C14orf39: variants seen among roughly 807,000 people sequenced by gnomAD.
C14orf39 encodes the protein chromosome 14 open reading frame 39.
A neutral mutation model predicts 85.6 loss-of-function variants in C14orf39; 66 were observed. The observed-to-expected ratio is 0.77, with a 90% CI of 0.63 to 0.95. C14orf39 has a LOEUF of 0.95. Among genes scored for constraint, C14orf39 ranks in the 40% least tolerant of loss-of-function variants. The probability of loss-of-function intolerance (pLI) is 0.00; values close to 1 mark genes in which losing one functional copy is unlikely to be tolerated. For synonymous variants in C14orf39, 242 were observed against 214.0 expected (o/e 1.13, Z -1.14); for missense variants, 735 against 663.9 (o/e 1.11, Z -1.18).
chr14:60,443,517 AG>A (rs1294033383), intron 16 of C14orf39, among the ~76,000 whole-genome samples: 1 of 152,210 alleles, frequency 6.6e-6, no homozygotes, highest in African/African-American at 2.4e-5. Context: ...CAAAGCAGCC[AG>A]GAAGCTTGAA....
At chr14:60,479,581 T>C (rs780952462) in intron 4 of C14orf39, among the ~76,000 whole-genome samples, 7 of 152,180 alleles carry the variant, frequency 4.6e-5, no homozygotes, top group Non-Finnish European at 8.8e-5. Flanking sequence ...AACATACATG[T>C]TCATTGAGAA....
In C14orf39 at chr14:60,511,221, T is replaced by C. The variant is rs1381798176; in HGVS notation, c.-144+4174A>G. On this transcript the variant is annotated intron_variant, in intron 1 of 5. Coordinates refer to the C14orf39 transcript ENST00000556799. ...AAGGCGGCCACTTCAGCCATCTCCA[T>C]CACGTCCAGCGACAGCGAGTGCGAC... 3 of 1,613,312 alleles carry C rather than the reference T, an allele frequency of 1.9e-6. No homozygotes were observed. The highest frequency in any genetic ancestry group is 2.5e-6 in the Non-Finnish European group (3 of 1,179,936).
intron 16 of C14orf39, among the ~76,000 whole-genome samples, chr14:60,445,147 G>A (rs2140031456): frequency 6.6e-6 from 1 of 152,306 alleles, no homozygotes; most frequent in East Asian, 1.9e-4. Context: ...ATGCTATGAA[G>A]AAACTACATC....
At chr14:60,511,548 C>A (rs1893294917) in intron 1 of C14orf39, 2 of 546,530 alleles carry the variant, frequency 3.7e-6, no homozygotes, top group Non-Finnish European at 6.6e-6. Context: ...ACCCGAACTG[C>A]AAGCTGAGCG....
intron 4 of C14orf39, among the ~76,000 whole-genome samples, chr14:60,483,004 A>G (rs1892713619): frequency 6.6e-6 from 1 of 151,990 alleles, no homozygotes. Flanking sequence ...GGGAACTGCA[A>G]GCAGGGAAAA....
chr14:60,445,528 A>G (rs746886607), intron 16 of C14orf39, among the ~76,000 whole-genome samples: 6 of 152,226 alleles, frequency 3.9e-5, no homozygotes, highest in Non-Finnish European at 7.3e-5. Flanking sequence ...TCCTAAATAT[A>G]TATGAACCCA....
chr14:60,471,770 T>A (rs1566673325), intron 5 of C14orf39, 31 bp from the exon 6 acceptor site: 1 of 1,309,080 alleles, frequency 7.6e-7, no homozygotes, highest in East Asian at 2.4e-5. Context: ...GATGTTTATA[T>A]AACAACAACA....
At chr14:60,449,078 C>T (rs1890917539) in intron 16 of C14orf39, among the ~76,000 whole-genome samples, 1 of 152,022 alleles carries the variant, frequency 6.6e-6, no homozygotes, top group Non-Finnish European at 1.5e-5. Context: ...GGAGAAATAC[C>T]CAATGTAGAT....
At chr14:60,504,669 T>C (rs1297546149) in intron 1 of C14orf39, among the ~76,000 whole-genome samples, 1 of 152,226 alleles carries the variant, frequency 6.6e-6, no homozygotes, top group Non-Finnish European at 1.5e-5. Context: ...CACTGATATG[T>C]AGCTCTAAGC....
intron 16 of C14orf39, among the ~76,000 whole-genome samples, chr14:60,446,912 C>T (rs1205407385): frequency 6.6e-6 from 1 of 152,172 alleles, no homozygotes; most frequent in Admixed American, 6.5e-5. Flanking sequence ...AATCAATACA[C>T]GTGATCCATC....
chr14:60,445,471 C>T (rs1223903489), intron 16 of C14orf39, among the ~76,000 whole-genome samples: 3 of 152,110 alleles, frequency 2.0e-5, no homozygotes, highest in Admixed American at 2.0e-4. Flanking sequence ...ATAATGAAGG[C>T]TATTACAAAA....
intron 4 of C14orf39, among the ~76,000 whole-genome samples, chr14:60,480,239 T>C (rs1255915113): frequency 6.6e-6 from 1 of 152,090 alleles, no homozygotes; most frequent in Non-Finnish European, 1.5e-5. Context: ...CTGGCCAATA[T>C]GGTGAAACCC....
chr14:60,462,607 A>G (rs1297081223), intron 11 of C14orf39, among the ~76,000 whole-genome samples: 4 of 152,118 alleles, frequency 2.6e-5, no homozygotes, highest in Admixed American at 6.6e-5. Flanking sequence ...CTCTTCAACT[A>G]TAAGAAAAAG....
chr14:60,474,868 T>C (rs1291792818), intron 5 of C14orf39, among the ~76,000 whole-genome samples: 1 of 152,198 alleles, frequency 6.6e-6, no homozygotes, highest in East Asian at 1.9e-4. Context: ...TTCTCTTTTT[T>C]TGTTGTGTCT....
In C14orf39 at chr14:60,485,039, G is replaced by T; in HGVS notation, c.40C>A (p.Leu14Ile). The T allele has an allele frequency of 6.2e-7, 1 of 1,608,914 alleles. No individual in the cohort carries two copies. The highest frequency in any genetic ancestry group is 8.5e-7 in the Non-Finnish European group (1 of 1,178,926). Residue 14 changes from leucine (L) to isoleucine (I), a missense_variant, in exon 2 of 18, where the codon CTA becomes ATA. Leu to Ile is a conservative substitution (Grantham distance 5, BLOSUM62 2). Transcript: ENST00000321731. Reference protein sequence around the residue: ...SLFVSLDRLLLEFVFQYEQDI... With the variant: ...SLFVSLDRLLIEFVFQYEQDI... ...TTCACTTTATACCTACCAAATTCTA[G>T]CAAAAGTCTGTCCAAACTGACAAAC... is the stretch of plus-strand genomic sequence containing the variant.
At chr14:60,509,573 A>T (rs1893258495) in intron 1 of C14orf39, 1 of 1,612,676 alleles carries the variant, frequency 6.2e-7, no homozygotes, top group African/African-American at 1.3e-5. Context: ...CGCACGAGCC[A>T]TCGTGGCCTT....
At chr14:60,482,529 A>C (rs749512072) in intron 4 of C14orf39, among the ~76,000 whole-genome samples, 1 of 152,158 alleles carries the variant, frequency 6.6e-6, no homozygotes, top group Non-Finnish European at 1.5e-5. Flanking sequence ...TGGGAGCACA[A>C]ATTGGTATAA....
At chr14:60,450,422 C>T (rs1476450523) in intron 16 of C14orf39, among the ~76,000 whole-genome samples, 3 of 152,170 alleles carry the variant, frequency 2.0e-5, no homozygotes, top group Non-Finnish European at 2.9e-5. Flanking sequence ...CAGGGAGAGG[C>T]TCCTCTGCCT....
At chr14:60,514,038 T>C (rs1330349131) in intron 1 of C14orf39, among the ~76,000 whole-genome samples, 1 of 152,256 alleles carries the variant, frequency 6.6e-6, no homozygotes, top group South Asian at 2.1e-4. Context: ...TTTTTTTAAA[T>C]GTTTATCTGT....
Sources: allele counts gnomAD v4.1 joint callset (sites outside exome capture counted in the v4.1 genomes callset), GRCh38; gene constraint gnomAD v4.1.1; transcripts MANE v1.5; gene names NCBI Gene and HGNC (gene_info 2026-07-23, HGNC 2026-07-21).